Variants in NT5DC4 observed in about 807,000 individuals in gnomAD.
The protein encoded by NT5DC4 is 5'-nucleotidase domain-containing protein 4.
A neutral mutation model predicts 26.6 loss-of-function variants in NT5DC4; 44 were observed. That is an observed-to-expected ratio of 1.65 (90% confidence interval 1.30 to 2.13). NT5DC4 has a LOEUF of 2.13. Ranked by LOEUF, NT5DC4 falls within the 30% of genes most tolerant of loss-of-function variation. The probability of loss-of-function intolerance (pLI) is 0.00; values close to 1 mark genes in which losing one functional copy is unlikely to be tolerated. For synonymous variants in NT5DC4, 157 were observed against 86.7 expected (o/e 1.81, Z -4.51); for missense variants, 399 against 228.1 (o/e 1.75, Z -4.83).
chr2:112,740,975 T>C, downstream of NT5DC4: 1 of 1,613,468 alleles, frequency 6.2e-7, no homozygotes, highest in Admixed American at 1.7e-5. Context: ...GATGTTATAC[T>C]AGTTTCAGCA....
downstream of NT5DC4, chr2:112,742,460 G>A (rs764849603): frequency 1.4e-6 from 1 of 717,884 alleles, no homozygotes; most frequent in Non-Finnish European, 2.6e-6. Flanking sequence ...GGATTCCAAG[G>A]AAGTGGGACA....
rs554021073 is a variant in NT5DC4 at position 112,722,184 on chromosome 2, C to T, written c.268C>T (p.Arg90Trp). Reference protein sequence around the residue: ...YTYDPTFPTRRLVFDELYGNL... With the variant: ...YTYDPTFPTRWLVFDELYGNL... ...TGCCCCCCGACCCCCCGTCTGCAGG[C>T]GGCTGGTGTTCGATGAACTCTATGG... The change falls in exon 4 of 17, where the codon CGG (arginine) becomes TGG (tryptophan). Residue 90 changes from arginine to tryptophan, a missense_variant and splice_region_variant. Transcript: ENST00000688554. 3.3e-5 allele frequency: 24 copies of T among 716,930 alleles called. No individual in the cohort carries two copies. Among genetic ancestry groups the T allele is most frequent in the East Asian group, 8.0e-5 (3 of 37,278 alleles). The allele number at this position is 716,930 out of a possible 1,614,324, so 44.4% of individuals were successfully genotyped here. A position where few individuals can be genotyped will look rare whatever the true frequency, so the allele number is the denominator to read the frequency against.
At chr2:112,724,193 A>G in intron 10 of NT5DC4, 67 bp downstream of exon 10, 1 of 715,486 alleles carries the variant, frequency 1.4e-6, no homozygotes, top group Non-Finnish European at 2.6e-6. Flanking sequence ...GCCAGGCTGC[A>G]CCACGATGCT....
chr2:112,735,400 G>A (rs1201187165), intron 16 of NT5DC4, among the ~76,000 whole-genome samples: 1 of 152,128 alleles, frequency 6.6e-6, no homozygotes, highest in African/African-American at 2.4e-5. Context: ...GGCATAGTGA[G>A]CACTAACAAA....
chr2:112,722,050 T>C lies in NT5DC4; in HGVS notation c.213T>C (p.Ile71=). The change falls in exon 3 of 17, where the codon ATT becomes ATC. Residue 71 remains isoleucine (I), a synonymous_variant. Coordinates refer to ENST00000688554, the MANE Select transcript of NT5DC4 (RefSeq NM_001393655.1). ...TGCTGCTGGAGCGCCTGGTGTGCAT[T>C]GGGTACCCGCATGAGATCCTGCGCT... The part of the protein sequence containing the change: ...FELLLERLVC[I]GYPHEILRYT... 1 of 717,196 alleles carries C rather than the reference T, an allele frequency of 1.4e-6. No homozygotes were observed. Among genetic ancestry groups the C allele is most frequent in the Non-Finnish European group, 2.6e-6 (1 of 385,082 alleles). The allele number at this position is 717,196 out of a possible 1,614,324, so 44.4% of individuals were successfully genotyped here.
upstream of NT5DC4, among the ~76,000 whole-genome samples, chr2:112,719,996 T>TC (rs1676743455): frequency 2.5e-5 from 3 of 120,052 alleles, no homozygotes; most frequent in African/African-American, 9.4e-5. Context: ...CTTTTTCTTT[T>TC]CTTTTCTTTT....
intron 16 of NT5DC4, among the ~76,000 whole-genome samples, chr2:112,734,682 T>C (rs928367353): frequency 6.6e-6 from 1 of 152,164 alleles, no homozygotes; most frequent in Non-Finnish European, 1.5e-5. Context: ...TGGGTGGTAG[T>C]AGGGAAATTG....
At chr2:112,722,435 G>A (rs1677018026) in intron 4 of NT5DC4, 48 bp from the exon 5 acceptor site, 1 of 716,404 alleles carries the variant, frequency 1.4e-6, no homozygotes, top group African/African-American at 1.7e-5. Context: ...GCCAGAGCCT[G>A]GACAGGCCTC....
upstream of NT5DC4, among the ~76,000 whole-genome samples, chr2:112,719,254 C>G (rs1051679415): frequency 2.0e-5 from 3 of 152,190 alleles, no homozygotes; most frequent in Non-Finnish European, 4.4e-5. Context: ...TCCTTATCAC[C>G]TTATGGGACT....
intron 16 of NT5DC4, chr2:112,738,702 G>A (rs910765152): frequency 1.5e-6 from 1 of 662,338 alleles, no homozygotes; most frequent in Non-Finnish European, 2.6e-6. Context: ...AATTACTTAA[G>A]TCCTGAGCGT....
downstream of NT5DC4, chr2:112,740,882 G>C (rs146748331): frequency 6.2e-7 from 1 of 1,613,896 alleles, no homozygotes; most frequent in Non-Finnish European, 8.5e-7. Flanking sequence ...TTGGCTATTC[G>C]GGGTGTCGCC....
At chr2:112,721,391 C>T (rs573768492) in intron 1 of NT5DC4, 85 of 692,042 alleles carry the variant, frequency 1.2e-4, no homozygotes, top group African/African-American at 3.7e-4. Context: ...GATCTCTCCC[C>T]TTCACCACGG....
At chr2:112,741,112 C>T, downstream of NT5DC4, 1 of 755,802 alleles carries the variant, frequency 1.3e-6, no homozygotes, top group Non-Finnish European at 2.2e-6. Flanking sequence ...TCCCAGTGAT[C>T]TTCATGGGCT....
At position 112,722,015 on chromosome 2, in the gene NT5DC4, A is replaced by C. The variant is rs1574227376; in HGVS notation, c.178A>C (p.Thr60Pro). ...CAAGTCCCCAGCTTATGAGGCCCTG[A>C]CCTTCGAGCTGCTGCTGGAGCGCCT... ...AYKSPAYEAL[T>P]FELLLERLVC... Residue 60 changes from threonine (T) to proline (P), a missense_variant, in exon 3 of 17, where the codon ACC (threonine) becomes CCC (proline). Coordinates refer to ENST00000688554, the MANE Select transcript of NT5DC4 (RefSeq NM_001393655.1). 1 of 717,212 alleles carries C rather than the reference A, an allele frequency of 1.4e-6. No homozygotes were observed. 44.4% of individuals were successfully genotyped at this position (717,212 alleles called of 1,614,324 possible). A position where few individuals can be genotyped will look rare whatever the true frequency, so the allele number is the denominator to read the frequency against.
intron 4 of NT5DC4, 67 bp downstream of exon 4, chr2:112,722,345 C>A: frequency 1.4e-6 from 1 of 714,266 alleles, no homozygotes; most frequent in South Asian, 1.5e-5. Flanking sequence ...TGGGGGAGGA[C>A]AGAGGGAGGG....
rs77260136 is a variant in NT5DC4, at chr2:112,722,762, G to T, written c.518G>T (p.Arg173Leu). Reference sequence around the variant, plus strand: ...GTGGACTTCTTCTCTGGCTGCTCCCGTTACACTAAGTGCGTCTTGTGCCCT... The same window carrying T: ...GTGGACTTCTTCTCTGGCTGCTCCCTTTACACTAAGTGCGTCTTGTGCCCT... ...CLVDFFSGCS[R>L]YTNCDTGYQH... Residue 173 changes from arginine to leucine, a missense_variant, in exon 6 of 17, where the codon CGT becomes CTT. Coordinates refer to ENST00000688554, the MANE Select transcript of NT5DC4 (RefSeq NM_001393655.1). 1 of 717,572 alleles carries T rather than the reference G, an allele frequency of 1.4e-6. No homozygotes were observed. The highest frequency in any genetic ancestry group is 2.7e-5 in the East Asian group (1 of 37,258). The allele number at this position is 717,572 out of a possible 1,614,324, so 44.5% of individuals were successfully genotyped here.
chr2:112,742,860 A>G, downstream of NT5DC4: 2 of 815,226 alleles, frequency 2.5e-6, no homozygotes, highest in Non-Finnish European at 4.0e-6. Context: ...ATGTTTTATA[A>G]TAAAAGTTTC....
At chr2:112,733,765 C>T (rs1359702378) in intron 16 of NT5DC4, among the ~76,000 whole-genome samples, 1 of 152,088 alleles carries the variant, frequency 6.6e-6, no homozygotes, top group Non-Finnish European at 1.5e-5. Flanking sequence ...ATTCTGGCAT[C>T]GTCTTGAGCA....
intron 14 of NT5DC4, 81 bp downstream of exon 14, chr2:112,726,370 C>T (rs926495835): frequency 1.4e-5 from 10 of 710,312 alleles, no homozygotes; most frequent in Non-Finnish European, 2.4e-5. Flanking sequence ...TGCCTGGCGG[C>T]GAGGTCCCGG....
Sources: gnomAD v4.1 joint callset for allele counts (sites outside exome capture counted in the v4.1 genomes callset) on GRCh38, gnomAD v4.1.1 for gene constraint, MANE v1.5 for transcripts, NCBI Gene and HGNC (gene_info 2026-07-23, HGNC 2026-07-21) for gene names.